Variants in ZNF468 observed in about 807,000 individuals in gnomAD.
ZNF468 encodes zinc finger protein 468, also known as zinc finger protein ZNF468.
Under a neutral mutation model 7.2 loss-of-function variants are expected in ZNF468, and 8 were observed. The ratio of observed to expected loss-of-function variants is 1.11; its 90% CI spans 0.65 to 2.01. The LOEUF is 2.01. Among genes scored for constraint, ZNF468 ranks in the 30% most tolerant of loss-of-function variants. The pLI is 0.00. For synonymous variants in ZNF468, 218 were observed against 214.4 expected (o/e 1.02, Z -0.15); for missense variants, 608 against 626.5 (o/e 0.97, Z 0.31).
intron 1 of ZNF468, among the ~76,000 whole-genome samples, chr19:52,855,216 A>T (rs1211494718): frequency 1.3e-5 from 2 of 151,548 alleles, no homozygotes; most frequent in Middle Eastern, 3.4e-3. Context: ...TGGGATTGAC[A>T]CAGAGATAAG....
In ZNF468 at chr19:52,838,375, G is replaced by A. The variant is rs1255106800; in HGVS notation, c.*2350C>T. Reference sequence around the variant, plus strand: ...CCTCAGCAATACAAAGACCATCCATGAAATGACCACAGCAGAAATAACCAA... The same window carrying A: ...CCTCAGCAATACAAAGACCATCCATAAAATGACCACAGCAGAAATAACCAA... On this transcript the variant is annotated 3_prime_UTR_variant, in exon 4 of 4. Transcript: ENST00000595646. 1 of 152,188 alleles carries A rather than the reference G, an allele frequency of 6.6e-6. No homozygotes were observed. The highest frequency in any genetic ancestry group is 2.4e-5 in the African/African-American group (1 of 41,440). 9.4% of individuals were successfully genotyped at this position (152,188 alleles called of 1,614,324 possible).
intron 2 of ZNF468, 155 bp from the exon 3 acceptor site, chr19:52,849,368 A>G (rs2063366125): frequency 2.1e-6 from 3 of 1,423,368 alleles, no homozygotes; most frequent in South Asian, 2.8e-5. Flanking sequence ...ATGTCTCCCC[A>G]GATGTATTTT....
At chr19:52,848,984 ATGGCTTCC>A in intron 3 of ZNF468, 95 bp downstream of exon 3, 2 of 1,498,784 alleles carry the variant, frequency 1.3e-6, no homozygotes, top group Non-Finnish European at 8.9e-7. Flanking sequence ...CAAAATCAAT[ATGGCTTCC>A]ATTTTAGTCA....
rs895522690 is a variant in ZNF468 at position 52,839,137 on chromosome 19, A to G, written c.*1588T>C. ...TGTGGTGGCACACAACTGTAGTGTC[A>G]GCTACTTGGGAGACTGAGGCAGGAG... On this transcript the variant is annotated 3_prime_UTR_variant, in exon 4 of 4. Coordinates refer to ENST00000595646, the MANE Select transcript of ZNF468 (RefSeq NM_001008801.2). The G allele has an allele frequency of 1.3e-5, 2 of 155,074 alleles. No homozygotes were observed. The highest frequency in any genetic ancestry group is 2.4e-5 in the African/African-American group (1 of 41,428). The allele number at this position is 155,074 out of a possible 1,614,324, so 9.6% of individuals were successfully genotyped here.
chr19:52,849,417 A>G, intron 2 of ZNF468: 1 of 1,031,458 alleles, frequency 9.7e-7, no homozygotes, highest in East Asian at 2.8e-5. Flanking sequence ...TACTCTCAGT[A>G]TAAATTTCTT....
intron 1 of ZNF468, among the ~76,000 whole-genome samples, chr19:52,856,621 C>T (rs2063442068): frequency 6.8e-6 from 1 of 148,114 alleles, no homozygotes; most frequent in South Asian, 2.2e-4. Flanking sequence ...TCTGCTCTGT[C>T]TGACCCGGCT....
At chr19:52,851,861 AG>A (rs2063392701) in intron 2 of ZNF468, among the ~76,000 whole-genome samples, 2 of 152,132 alleles carry the variant, frequency 1.3e-5, no homozygotes, top group African/African-American at 4.8e-5. Context: ...GTTAAGAAAA[AG>A]GGTTGTCATT....
At chr19:52,855,593 C>CT (rs1188419620) in intron 1 of ZNF468, among the ~76,000 whole-genome samples, 1 of 152,190 alleles carries the variant, frequency 6.6e-6, no homozygotes, top group African/African-American at 2.4e-5. Flanking sequence ...ACATGACCTG[C>CT]TTTAGATGTA....
At chr19:52,854,180 C>T (rs2063416367) in intron 2 of ZNF468, 78 bp downstream of exon 2, 1 of 1,610,680 alleles carries the variant, frequency 6.2e-7, no homozygotes, top group Non-Finnish European at 8.5e-7. Context: ...GTCATTCAGA[C>T]CCAGACATTC....
chr19:52,850,582 G>A (rs1418245060), intron 2 of ZNF468, among the ~76,000 whole-genome samples: 1 of 152,118 alleles, frequency 6.6e-6, no homozygotes, highest in Non-Finnish European at 1.5e-5. Flanking sequence ...GGTGGAGCGG[G>A]GAGGAAGGAG....
In ZNF468 at chr19:52,842,075, T is replaced by G; in HGVS notation, c.219A>C (p.Thr73=). The G allele has an allele frequency of 1.9e-6, 3 of 1,613,858 alleles. No homozygotes were observed. Among genetic ancestry groups the G allele is most frequent in the Middle Eastern group, 1.7e-4 (1 of 6,054 alleles). ...TGTGATGACTTGCTTGTCTGTGCAA[T>G]GTCCCTGTGTGGATCACTTCTGTAT... ...QGNTEVIHTG[T]LHRQASHHIG... The change falls in exon 4 of 4, where the codon ACA becomes ACC. Residue 73 remains threonine (T), a synonymous_variant. Transcript: ENST00000595646.
intron 2 of ZNF468, 118 bp downstream of exon 2, chr19:52,854,140 T>A: frequency 6.3e-7 from 1 of 1,596,296 alleles, no homozygotes. Context: ...AAGGAAGGCA[T>A]AAGTGAGGGT....
At chr19:52,849,793 A>G (rs886321131) in intron 2 of ZNF468, among the ~76,000 whole-genome samples, 3 of 150,672 alleles carry the variant, frequency 2.0e-5, no homozygotes, top group Admixed American at 6.6e-5. Context: ...GGTCCCAGCT[A>G]CTTGGAAGGG....
In ZNF468 at chr19:52,849,126, C is replaced by G. The variant is rs2147737300; in HGVS notation, c.103G>C (p.Asp35His). The change falls in exon 3 of 4, where the codon GAC becomes CAC. Residue 35 changes from aspartate to histidine, a missense_variant. By Grantham distance (81) the Asp-to-His change is moderately conservative (BLOSUM62 -1). Coordinates refer to ENST00000595646, the MANE Select transcript of ZNF468 (RefSeq NM_001008801.2). ...LDPAQRTLYR[D>H]VMLENYRNLV... ...TTCCTATAATTCTCCAGCATCACGTCCCTGTATAAAGTCCTCTGAGCAGGG... is the reference window on the plus strand; with the variant it reads ...TTCCTATAATTCTCCAGCATCACGTGCCTGTATAAAGTCCTCTGAGCAGGG... 1 of 1,614,016 alleles carries G rather than the reference C, an allele frequency of 6.2e-7. No homozygotes were observed. Among genetic ancestry groups the G allele is most frequent in the South Asian group, 1.1e-5 (1 of 91,064 alleles).
Position 52,854,251 on chromosome 19 carries a change from A to G in ZNF468, c.15+7T>C. The G allele has an allele frequency of 4.3e-6, 7 of 1,613,808 alleles. No homozygotes were observed. Among genetic ancestry groups the G allele is most frequent in the Non-Finnish European group, 5.9e-6 (7 of 1,179,804 alleles). Reference sequence around the variant, plus strand: ...GACAGAACAATCCACCGAGGATATCATCTCACCTGAGGAAGAGCCATCCCT... The same window carrying G: ...GACAGAACAATCCACCGAGGATATCGTCTCACCTGAGGAAGAGCCATCCCT... On this transcript the variant is annotated splice_region_variant and intron_variant, in intron 2 of 3. Coordinates refer to ENST00000595646, the MANE Select transcript of ZNF468 (RefSeq NM_001008801.2).
intron 2 of ZNF468, among the ~76,000 whole-genome samples, chr19:52,852,532 C>G (rs1420282065): frequency 6.6e-6 from 1 of 151,776 alleles, no homozygotes; most frequent in Admixed American, 6.6e-5. Flanking sequence ...AAAAAATTAG[C>G]TGGGCATGGT....
rs757131494 is a variant in ZNF468, at chr19:52,841,132, ACT to A, written c.1160_1161del (p.Glu387ValfsTer2). 6 of 1,613,744 alleles carry A rather than the reference ACT, an allele frequency of 3.7e-6. No homozygotes were observed. In the East Asian group the frequency reaches 1.1e-4, roughly 30 times the overall value. ...GATTTGCGACTGAAAACTTTGTCAC[ACT>A]CTTCACATTTGTAAGGTTTCTCTCC... is the stretch of plus-strand genomic sequence containing the variant. ...HTGEKPYKCE[E>X]CDKVFSRKSH... On this transcript the variant is annotated frameshift_variant, in exon 4 of 4. Transcript: ENST00000595646. LOFTEE classifies it low-confidence loss of function (END_TRUNC).
chr19:52,856,011 T>C (rs183432869), intron 1 of ZNF468, among the ~76,000 whole-genome samples: 1 of 152,332 alleles, frequency 6.6e-6, no homozygotes, highest in African/African-American at 2.4e-5. Flanking sequence ...CATCCCATTC[T>C]TAAAATTAGA....
At chr19:52,852,038 C>T (rs1251752753) in intron 2 of ZNF468, among the ~76,000 whole-genome samples, 1 of 151,990 alleles carries the variant, frequency 6.6e-6, no homozygotes, top group Non-Finnish European at 1.5e-5. Flanking sequence ...GGAAAGGATA[C>T]TTTGGCAGTG....
Sources: gnomAD v4.1 joint callset for allele counts (sites outside exome capture counted in the v4.1 genomes callset) on GRCh38, gnomAD v4.1.1 for gene constraint, MANE v1.5 for transcripts, NCBI Gene and HGNC (gene_info 2026-07-23, HGNC 2026-07-21) for gene names.